Variants in TSBP1 observed in about 807,000 individuals in gnomAD.
TSBP1 encodes the protein testis expressed basic protein 1.
Under a neutral mutation model 68.8 loss-of-function variants are expected in TSBP1, and 56 were observed. The ratio of observed to expected loss-of-function variants is 0.81; its 90% confidence interval spans 0.66 to 1.02. TSBP1 has a LOEUF of 1.02. Among genes scored for constraint, TSBP1 ranks in the 50% least tolerant of loss-of-function variants. The probability of loss-of-function intolerance (pLI) is 0.00; values close to 1 mark genes in which losing one functional copy is unlikely to be tolerated. For missense variants in TSBP1, 502 were observed against 641.2 expected (o/e 0.78, Z 2.34); for synonymous variants, 171 against 208.7 (o/e 0.82, Z 1.56).
rs1248464453 is a variant in TSBP1 at position 32,330,457 on chromosome 6, T to TAA, written c.514+130_514+131dup. On this transcript the variant is annotated intron_variant, in intron 16 of 22. Coordinates refer to ENST00000612031, the Ensembl canonical transcript of TSBP1. ...CTCAGTAGGTTGAAATCAGGAAGCA[T>TAA]AAAAACATGTGTAAAATAACTGCTC... 43 of 767,294 alleles carry TAA rather than the reference T, an allele frequency of 5.6e-5. No homozygotes were observed. The Admixed American group carries it at 1.2e-3, about 21-fold the overall frequency. 47.5% of individuals were successfully genotyped at this position (767,294 alleles called of 1,614,324 possible).
chr6:32,336,644 C>G lies in TSBP1; in HGVS notation c.410-9G>C. On this transcript the variant is annotated splice_polypyrimidine_tract_variant and intron_variant, in intron 11 of 22. Transcript: ENST00000612031. The surrounding 1 kb of genome is among the most constrained non-coding windows in gnomAD (Gnocchi z 5.2). ...AGGGGCTGTGAATTGCACTGAAATA[C>G]AAAAAGGAGGAAAGTGTGGTTTGAC... The G allele has an allele frequency of 6.2e-7, 1 of 1,611,532 alleles. No individual in the cohort carries two copies. Among genetic ancestry groups the G allele is most frequent in the Non-Finnish European group, 8.5e-7 (1 of 1,178,832 alleles).
intron 18 of TSBP1, among the ~76,000 whole-genome samples, chr6:32,317,229 C>T (rs1455905511): frequency 3.3e-5 from 5 of 152,078 alleles, no homozygotes; most frequent in African/African-American, 1.2e-4. Context: ...ATTCAATAAA[C>T]GATACTGGGA....
intron 9 of TSBP1, among the ~76,000 whole-genome samples, chr6:32,347,714 A>T (rs1771215604): frequency 6.6e-6 from 1 of 152,164 alleles, no homozygotes; most frequent in Non-Finnish European, 1.5e-5. Flanking sequence ...ATTCTAAAAG[A>T]CTTTTTGTAA....
At chr6:32,312,159 C>A (rs1362994099) in intron 19 of TSBP1, among the ~76,000 whole-genome samples, 1 of 152,132 alleles carries the variant, frequency 6.6e-6, no homozygotes, top group African/African-American at 2.4e-5. Flanking sequence ...CTCCAAAGAA[C>A]TAGAATATGT....
At chr6:32,360,315 C>A (rs1772853053) in intron 6 of TSBP1, among the ~76,000 whole-genome samples, 1 of 152,070 alleles carries the variant, frequency 6.6e-6, no homozygotes, top group African/African-American at 2.4e-5. Context: ...CTAAGGTCTT[C>A]CAGGTTCATC....
intron 19 of TSBP1, among the ~76,000 whole-genome samples, chr6:32,303,815 T>C (rs1007094788): frequency 4.6e-5 from 7 of 152,214 alleles, no homozygotes. Context: ...CTTTCTTTTT[T>C]ATCTTGAATT....
chr6:32,335,469 A>G lies in TSBP1; in HGVS notation c.452-12T>C. On this transcript the variant is annotated splice_polypyrimidine_tract_variant and intron_variant, in intron 13 of 22. Transcript: ENST00000612031. The surrounding 1 kb of genome is among the most constrained non-coding windows in gnomAD (Gnocchi z 5.5). ...TTTTTGAGAGAGCTCTAAAAAAAAAAGAGAAAAGAAATCAGTAGCTATATA... is the reference window on the plus strand; with the variant it reads ...TTTTTGAGAGAGCTCTAAAAAAAAAGGAGAAAAGAAATCAGTAGCTATATA... 2.7e-6 allele frequency: 4 copies of G among 1,467,166 alleles called. No individual in the cohort carries two copies. Among genetic ancestry groups the G allele is most frequent in the Non-Finnish European group, 2.7e-6 (3 of 1,100,782 alleles). 90.9% of individuals were successfully genotyped at this position (1,467,166 alleles called of 1,614,324 possible).
intron 1 of TSBP1, among the ~76,000 whole-genome samples, chr6:32,371,303 A>G (rs964228010): frequency 3.3e-5 from 5 of 152,200 alleles, no homozygotes; most frequent in African/African-American, 1.2e-4. Context: ...TAGGGCAGTT[A>G]GAAGATGGTC....
Position 32,292,758 on chromosome 6 carries a change from G to A in TSBP1, c.*223C>T. 2.1e-6 allele frequency: 1 copy of A among 475,338 alleles called. No individual in the cohort carries two copies. Among genetic ancestry groups the A allele is most frequent in the Non-Finnish European group, 3.7e-6 (1 of 273,472 alleles). The allele number at this position is 475,338 out of a possible 1,614,324, so 29.4% of individuals were successfully genotyped here. ...CAGAAAGTATCCAGTCTTTCTTGAC[G>A]GAATCATATACGTCTTAACTTATAA... On this transcript the variant is annotated 3_prime_UTR_variant, in exon 23 of 23. Transcript: ENST00000612031. This position sits in a 1 kb window ranked among gnomAD's most constrained non-coding sequence, Gnocchi z 4.1.
intron 18 of TSBP1, among the ~76,000 whole-genome samples, chr6:32,317,238 G>A (rs1767059815): frequency 6.6e-6 from 1 of 152,080 alleles, no homozygotes; most frequent in Admixed American, 6.6e-5. Context: ...ACGATACTGG[G>A]ATAACTGGCC....
intron 22 of TSBP1, 48 bp downstream of exon 25, chr6:32,299,874 T>C (rs1765105677): frequency 6.6e-7 from 1 of 1,504,394 alleles, no homozygotes; most frequent in African/African-American, 1.4e-5. Flanking sequence ...CACAAAAGAA[T>C]TAAAAGCAAT....
At chr6:32,360,776 T>C (rs1362518608) in intron 6 of TSBP1, among the ~76,000 whole-genome samples, 1 of 152,178 alleles carries the variant, frequency 6.6e-6, no homozygotes, top group Non-Finnish European at 1.5e-5. Flanking sequence ...TGATTAGTGA[T>C]ATTGTGCACC....
chr6:32,344,676 C>T (rs191374361), intron 9 of TSBP1, among the ~76,000 whole-genome samples: 2 of 152,150 alleles, frequency 1.3e-5, no homozygotes, highest in Non-Finnish European at 1.5e-5. Context: ...ATCCTCTATG[C>T]CAGCTGTAGT....
At position 32,304,270 on chromosome 6, in the gene TSBP1, A is replaced by C. The variant is rs879101991; in HGVS notation, c.581-1641T>G. ...ACAAAAGTGTCAGTGCAAATAAAGG[A>C]ATCGAGATGCTACAAAAGACCAGAG... On this transcript the variant is annotated intron_variant, in intron 19 of 22. Transcript: ENST00000612031. The surrounding 1 kb of genome is among the most constrained non-coding windows in gnomAD (Gnocchi z 4.8). 6.6e-6 allele frequency among the ~76,000 whole-genome samples: 1 copy of C among 152,222 alleles called. No homozygotes were observed. Among genetic ancestry groups the C allele is most frequent in the Non-Finnish European group, 1.5e-5 (1 of 68,040 alleles).
At chr6:32,368,455 C>G (rs1418676701) in intron 3 of TSBP1, among the ~76,000 whole-genome samples, 1 of 152,158 alleles carries the variant, frequency 6.6e-6, no homozygotes, top group African/African-American at 2.4e-5. Context: ...TGGATTTAGG[C>G]TTTTTACTGA....
In TSBP1 at chr6:32,357,203, G is replaced by C. The variant is rs1241586963; in HGVS notation, c.218-1534C>G. On this transcript the variant is annotated intron_variant, in intron 6 of 22. Coordinates refer to ENST00000612031, the Ensembl canonical transcript of TSBP1. The surrounding 1 kb of genome is among the most constrained non-coding windows in gnomAD (Gnocchi z 4.7). ...TTTGGGTTTATGAATTTTAAAGTAT[G>C]ACTTATTGAAACAACAATAAAATGT... Among the ~76,000 whole-genome samples, 1 of 152,148 alleles carries C rather than the reference G, an allele frequency of 6.6e-6. No homozygotes were observed. The highest frequency in any genetic ancestry group is 1.5e-5 in the Non-Finnish European group (1 of 68,034).
intron 8 of TSBP1, among the ~76,000 whole-genome samples, chr6:32,352,663 TAA>T (rs1378032387): frequency 1.3e-5 from 2 of 151,868 alleles, no homozygotes; most frequent in Admixed American, 6.6e-5. Context: ...ATATGCCATT[TAA>T]AAAAGACACA....
chr6:32,352,078 A>G (rs1221391602), intron 8 of TSBP1, among the ~76,000 whole-genome samples: 1 of 152,060 alleles, frequency 6.6e-6, no homozygotes. Flanking sequence ...AAGGCTTAGA[A>G]AATTTTTCAC....
chr6:32,317,612 G>T (rs1292217210), intron 18 of TSBP1, among the ~76,000 whole-genome samples: 2 of 152,046 alleles, frequency 1.3e-5, no homozygotes, highest in African/African-American at 4.8e-5. Flanking sequence ...AAATTTACAA[G>T]ACAAAAACAA....
Sources: allele counts gnomAD v4.1 joint callset (sites outside exome capture counted in the v4.1 genomes callset), GRCh38; gene constraint gnomAD v4.1.1; non-coding constraint Gnocchi (gnomAD v3.1); transcripts MANE v1.5; gene names NCBI Gene and HGNC (gene_info 2026-07-23, HGNC 2026-07-21).